WDR59: variants seen among roughly 807,000 people sequenced by gnomAD.
WDR59 encodes the protein WD repeat domain 59.
A neutral mutation model predicts 131.2 loss-of-function variants in WDR59; 100 were observed. That is an observed-to-expected ratio of 0.76 (90% CI 0.65 to 0.90). WDR59 has a LOEUF of 0.90. Ranked by LOEUF, WDR59 falls within the 40% of genes least tolerant of loss-of-function variation. The probability of loss-of-function intolerance (pLI) is 0.00; values close to 1 mark genes in which losing one functional copy is unlikely to be tolerated. For missense variants in WDR59, 1,203 were observed against 1,262.2 expected (o/e 0.95, Z 0.71); for synonymous variants, 601 against 466.2 (o/e 1.29, Z -3.72).
intron 8 of WDR59, among the ~76,000 whole-genome samples, chr16:74,928,030 C>A (rs1283930010): frequency 6.6e-6 from 1 of 151,050 alleles, no homozygotes; most frequent in Admixed American, 6.6e-5. Flanking sequence ...GCCTCAGCCT[C>A]CCGAGTAGCT....
In WDR59 at chr16:74,908,675, C is replaced by G. The variant is rs552238726; in HGVS notation, c.1712+233G>C. The G allele has an allele frequency of 7.4e-6, 3 of 402,818 alleles. No homozygotes were observed. The South Asian group carries it at 3.1e-4, about 41-fold the overall frequency. 25.0% of individuals were successfully genotyped at this position (402,818 alleles called of 1,614,324 possible). ...TTAAAAAGAATTTGCCTTGTTTTGA[C>G]AATAGCTTTTATCAAGCTACCTCTT... On this transcript the variant is annotated intron_variant, in intron 17 of 25. Coordinates refer to ENST00000262144, the MANE Select transcript of WDR59 (RefSeq NM_030581.4).
rs184215148 is a variant in WDR59 at position 74,886,380 on chromosome 16, C to T, written c.2436G>A (p.Glu812=). ...ATTCTCCCCAAGGGGAGGACAAGTGCTCTGCCTCTCTTCCCGCTGAAGAAA... is the reference window on the plus strand; with the variant it reads ...ATTCTCCCCAAGGGGAGGACAAGTGTTCTGCCTCTCTTCCCGCTGAAGAAA... ...GGWNIAGREA[E]HLSSPWGESS... The change falls in exon 24 of 26, where the codon GAG becomes GAA. Residue 812 remains glutamate, a synonymous_variant. Coordinates refer to ENST00000262144, the MANE Select transcript of WDR59 (RefSeq NM_030581.4). The T allele has an allele frequency of 4.3e-6, 7 of 1,613,052 alleles. No individual in the cohort carries two copies. In the Admixed American group the frequency reaches 5.0e-5, roughly 12 times the overall value.
chr16:74,874,487 T>A (rs1213035715), intron 25 of WDR59, 43 bp from the exon 26 acceptor site: 20 of 1,581,520 alleles, frequency 1.3e-5, no homozygotes, highest in Non-Finnish European at 1.7e-5. Context: ...GCAGCATGAG[T>A]TTAGTTCTGA....
At chr16:74,947,131 C>G (rs774486763) in intron 6 of WDR59, among the ~76,000 whole-genome samples, 5 of 152,176 alleles carry the variant, frequency 3.3e-5, no homozygotes, top group Non-Finnish European at 7.4e-5. Flanking sequence ...AATGTAACTA[C>G]AAAGACTTGG....
chr16:74,873,187 G>C lies in WDR59; in HGVS notation c.*1022C>G, dbSNP rs1437492141. On this transcript the variant is annotated 3_prime_UTR_variant, in exon 26 of 26. Coordinates refer to ENST00000262144, the MANE Select transcript of WDR59 (RefSeq NM_030581.4). ...AGCCTCCCAAAGTGCTGGGATTACA[G>C]GCATGAGCCACCGTGCCCGGCCTAT... The C allele has an allele frequency of 6.6e-6, 1 of 152,330 alleles. No homozygotes were observed. Among genetic ancestry groups the C allele is most frequent in the Non-Finnish European group, 1.5e-5 (1 of 68,144 alleles). The allele number at this position is 152,330 out of a possible 1,614,324, so 9.4% of individuals were successfully genotyped here.
chr16:74,919,231 G>A (rs972007868), intron 10 of WDR59, among the ~76,000 whole-genome samples: 2 of 152,030 alleles, frequency 1.3e-5, no homozygotes, highest in Non-Finnish European at 2.9e-5. Flanking sequence ...TTGCCTTTGA[G>A]GGTTACTTCA....
intron 10 of WDR59, among the ~76,000 whole-genome samples, chr16:74,919,121 T>C (rs535432989): frequency 5.1e-4 from 78 of 152,250 alleles, no homozygotes; most frequent in African/African-American, 1.7e-3. Flanking sequence ...CCTCCCCCGC[T>C]GGTCCCAAGG....
At chr16:74,945,098 T>C (rs1268424921) in intron 6 of WDR59, among the ~76,000 whole-genome samples, 1 of 151,760 alleles carries the variant, frequency 6.6e-6, no homozygotes, top group African/African-American at 2.4e-5. Flanking sequence ...CACTATAGCC[T>C]GGCCGACAGA....
At chr16:74,951,068 G>C (rs2032966310) in intron 4 of WDR59, among the ~76,000 whole-genome samples, 1 of 147,596 alleles carries the variant, frequency 6.8e-6, no homozygotes, top group Admixed American at 7.0e-5. Flanking sequence ...GCTGAGGCAG[G>C]ACAATCACTT....
At chr16:74,911,739 G>C (rs1020654487) in intron 14 of WDR59, among the ~76,000 whole-genome samples, 2 of 151,966 alleles carry the variant, frequency 1.3e-5, no homozygotes, top group African/African-American at 4.8e-5. Flanking sequence ...ATATCTTTTA[G>C]CTTCAGAATA....
chr16:74,888,438 T>G (rs1413918623), intron 21 of WDR59, 119 bp from the exon 22 acceptor site: 1 of 1,068,618 alleles, frequency 9.4e-7, no homozygotes, highest in East Asian at 2.8e-5. Flanking sequence ...TGATTCTGCC[T>G]CAAAAACCCA....
chr16:74,899,802 G>A, intron 18 of WDR59: 1 of 1,241,528 alleles, frequency 8.1e-7, no homozygotes, highest in Non-Finnish European at 1.1e-6. Flanking sequence ...AAAACACCAA[G>A]AAAATTAAAA....
intron 8 of WDR59, among the ~76,000 whole-genome samples, chr16:74,929,276 T>C (rs1341710170): frequency 6.6e-6 from 1 of 152,098 alleles, no homozygotes; most frequent in Non-Finnish European, 1.5e-5. Context: ...GGGGTTTCAC[T>C]GTGTTAGCCA....
chr16:74,874,067 G>T lies in WDR59; in HGVS notation c.*142C>A. The T allele has an allele frequency of 1.5e-6, 1 of 677,372 alleles. No homozygotes were observed. Among genetic ancestry groups the T allele is most frequent in the Non-Finnish European group, 2.5e-6 (1 of 404,382 alleles). The allele number at this position is 677,372 out of a possible 1,614,324, so 42.0% of individuals were successfully genotyped here. A position where few individuals can be genotyped will look rare whatever the true frequency, so the allele number is the denominator to read the frequency against. Reference sequence around the variant, plus strand: ...AGAAGGCAGAGGCCCACCAAGAGCTGATGCTGCGCAGTCCTTGGGGGATCA... The same window carrying T: ...AGAAGGCAGAGGCCCACCAAGAGCTTATGCTGCGCAGTCCTTGGGGGATCA... On this transcript the variant is annotated 3_prime_UTR_variant, in exon 26 of 26. Coordinates refer to ENST00000262144, the MANE Select transcript of WDR59 (RefSeq NM_030581.4).
intron 18 of WDR59, among the ~76,000 whole-genome samples, chr16:74,902,245 A>G (rs1597672585): frequency 1.3e-5 from 2 of 152,194 alleles, no homozygotes; most frequent in East Asian, 3.8e-4. Flanking sequence ...GAAATAAAAC[A>G]TAAAAGGCCA....
intron 10 of WDR59, among the ~76,000 whole-genome samples, chr16:74,920,939 G>T (rs770094552): frequency 6.6e-6 from 1 of 152,110 alleles, no homozygotes; most frequent in Admixed American, 6.6e-5. Context: ...AGGGGATGGT[G>T]ACCAGGTAGC....
intron 20 of WDR59, among the ~76,000 whole-genome samples, chr16:74,892,258 A>T (rs550952982): frequency 1.1e-4 from 17 of 152,338 alleles, no homozygotes; most frequent in Admixed American, 6.5e-5. Flanking sequence ...ATGTATAATT[A>T]AAAAAATTCA....
chr16:74,977,029 C>T (rs950300667), intron 1 of WDR59, among the ~76,000 whole-genome samples: 2 of 151,990 alleles, frequency 1.3e-5, no homozygotes, highest in African/African-American at 4.8e-5. Context: ...ACTGAAAAAG[C>T]ATAATCCATA....
At chr16:74,978,905 G>A (rs2034291696) in intron 1 of WDR59, 1 of 152,154 alleles carries the variant, frequency 6.6e-6, no homozygotes, top group South Asian at 2.1e-4. Flanking sequence ...GAAGTAGGCA[G>A]CCACCGTGGG....
Sources: gnomAD v4.1 joint callset for allele counts (sites outside exome capture counted in the v4.1 genomes callset) on GRCh38, gnomAD v4.1.1 for gene constraint, MANE v1.5 for transcripts, NCBI Gene and HGNC (gene_info 2026-07-23, HGNC 2026-07-21) for gene names.